DCHS2: variants seen among roughly 807,000 people sequenced by gnomAD.
The protein encoded by DCHS2 is dachsous cadherin-related 2, also known as protocadherin-23.
DCHS2 carries 142 observed loss-of-function variants against 182.4 expected under a neutral mutation model. The observed-to-expected ratio is 0.78, with a 90% CI of 0.68 to 0.89. The LOEUF is 0.89. Ranked by LOEUF, DCHS2 falls within the 40% of genes least tolerant of loss-of-function variation. The pLI is 0.00. For synonymous variants in DCHS2, 1,740 were observed against 1,663.3 expected (o/e 1.05, Z -1.12); for missense variants, 4,319 against 4,198.6 (o/e 1.03, Z -0.79).
At chr4:154,238,909 G>A (rs1731663203) in intron 19 of DCHS2, among the ~76,000 whole-genome samples, 1 of 152,006 alleles carries the variant, frequency 6.6e-6, no homozygotes, top group Non-Finnish European at 1.5e-5. Flanking sequence ...TATTATACTG[G>A]GGTCTCTGAA....
chr4:154,390,272 C>A (rs1270810482), intron 1 of DCHS2, among the ~76,000 whole-genome samples: 3 of 114,550 alleles, frequency 2.6e-5, no homozygotes, highest in East Asian at 6.0e-4. Flanking sequence ...CCCCTCCCCC[C>A]ACCCCACAAC....
intron 16 of DCHS2, among the ~76,000 whole-genome samples, chr4:154,252,670 T>C (rs1732436808): frequency 1.3e-5 from 2 of 151,444 alleles, no homozygotes; most frequent in African/African-American, 4.8e-5. Context: ...TTTTTTCTTT[T>C]AATGGCTAAA....
intron 16 of DCHS2, among the ~76,000 whole-genome samples, chr4:154,248,142 T>C (rs1179771374): frequency 2.0e-5 from 3 of 152,280 alleles, no homozygotes; most frequent in Middle Eastern, 3.4e-3. Context: ...ATATAGCCAA[T>C]TGGGCACTCA....
intron 1 of DCHS2, among the ~76,000 whole-genome samples, chr4:154,382,498 T>G (rs1731214424): frequency 6.6e-6 from 1 of 152,082 alleles, no homozygotes; most frequent in African/African-American, 2.4e-5. Flanking sequence ...ACAAGTGGAA[T>G]CGAATTAAAC....
At chr4:154,373,828 T>C in intron 2 of DCHS2, 1 of 1,016,676 alleles carries the variant, frequency 9.8e-7, no homozygotes, top group Non-Finnish European at 1.5e-6. Context: ...GTGCAAGCAC[T>C]CAGGGGAGAA....
At chr4:154,396,948 T>C (rs1731952766) in intron 1 of DCHS2, among the ~76,000 whole-genome samples, 1 of 152,150 alleles carries the variant, frequency 6.6e-6, no homozygotes, top group South Asian at 2.1e-4. Context: ...TAAACCTTCC[T>C]GATATAACTT....
chr4:154,313,825 A>G (rs1238354717), intron 10 of DCHS2, among the ~76,000 whole-genome samples: 2 of 152,222 alleles, frequency 1.3e-5, no homozygotes, highest in Non-Finnish European at 2.9e-5. Context: ...GTGTATTTCA[A>G]TCATCCATTA....
chr4:154,365,728 C>G (rs1434698615), intron 3 of DCHS2, among the ~76,000 whole-genome samples: 1 of 151,966 alleles, frequency 6.6e-6, no homozygotes, highest in African/African-American at 2.4e-5. Flanking sequence ...CAGCTCACTG[C>G]AACCTCGGTT....
chr4:154,245,521 C>T lies in DCHS2; in HGVS notation c.6942-2749G>A, dbSNP rs145665549. Among the ~76,000 whole-genome samples the T allele has an allele frequency of 1.5e-3, 226 of 151,866 alleles. 2 individuals carry two copies. The highest frequency in any genetic ancestry group is 4.9e-3 in the African/African-American group (204 of 41,402). The stretch of plus-strand genomic sequence containing the variant: ...TCAAAACTCTCAATTATATCTTAAA[C>T]GTCTAGCAGGAATTTTCTAATCCTT... On this transcript the variant is annotated intron_variant, in intron 16 of 19. Transcript: ENST00000357232.
At chr4:154,245,412 T>C (rs1280916324) in intron 16 of DCHS2, among the ~76,000 whole-genome samples, 2 of 152,198 alleles carry the variant, frequency 1.3e-5, no homozygotes, top group African/African-American at 2.4e-5. Context: ...TCTTTTACCA[T>C]GTTAAACTTT....
At chr4:154,376,464 T>C (rs890089009) in intron 2 of DCHS2, among the ~76,000 whole-genome samples, 9 of 148,560 alleles carry the variant, frequency 6.1e-5, no homozygotes, top group African/African-American at 2.2e-4. Flanking sequence ...TAAAAAAAAC[T>C]GGTAAAATAA....
intron 16 of DCHS2, among the ~76,000 whole-genome samples, chr4:154,245,055 A>G (rs1461746677): frequency 6.6e-6 from 1 of 152,156 alleles, no homozygotes; most frequent in African/African-American, 2.4e-5. Flanking sequence ...ATTAAAAAGA[A>G]GTGAGATTCT....
chr4:154,284,928 C>A (rs2111244665), intron 13 of DCHS2, among the ~76,000 whole-genome samples: 1 of 152,252 alleles, frequency 6.6e-6, no homozygotes, highest in Non-Finnish European at 1.5e-5. Context: ...CACCCCTCCC[C>A]TAACCCCAGG....
At chr4:154,402,180 C>T (rs1732214067) in intron 1 of DCHS2, among the ~76,000 whole-genome samples, 1 of 152,124 alleles carries the variant, frequency 6.6e-6, no homozygotes, top group Non-Finnish European at 1.5e-5. Context: ...CCCTGGTACC[C>T]TTGTCAAAAC....
chr4:154,361,260 C>T (rs1443215992), intron 3 of DCHS2, among the ~76,000 whole-genome samples: 1 of 152,034 alleles, frequency 6.6e-6, no homozygotes, highest in African/African-American at 2.4e-5. Context: ...TTCCTCAAAC[C>T]TCAAACCTTG....
chr4:154,417,204 T>TGTGTGTGTGTGAGA (rs1560745908), intron 1 of DCHS2, among the ~76,000 whole-genome samples: 4 of 39,476 alleles, frequency 1.0e-4, no homozygotes, highest in African/African-American at 3.8e-4. Context: ...TGTGTGTGTG[T>TGTGTGTGTGTGAGA]GAGAGAGAGA....
chr4:154,467,374 C>T (rs914089209), intron 1 of DCHS2, among the ~76,000 whole-genome samples: 1 of 152,048 alleles, frequency 6.6e-6, no homozygotes, highest in African/African-American at 2.4e-5. Flanking sequence ...GTTATATTTC[C>T]TATTAGCAAA....
intron 3 of DCHS2, among the ~76,000 whole-genome samples, chr4:154,345,929 C>A (rs149961800): frequency 2.9e-4 from 44 of 152,304 alleles, no homozygotes; most frequent in African/African-American, 1.0e-3. Context: ...GTCGCTCACA[C>A]TTCTGGAGGC....
chr4:154,467,423 T>G (rs1185858578), intron 1 of DCHS2, among the ~76,000 whole-genome samples: 2 of 152,162 alleles, frequency 1.3e-5, no homozygotes, highest in African/African-American at 4.8e-5. Flanking sequence ...TTACACTATA[T>G]TTTAAGTGGC....
Sources: gnomAD v4.1 joint callset for allele counts (sites outside exome capture counted in the v4.1 genomes callset) on GRCh38, gnomAD v4.1.1 for gene constraint, MANE v1.5 for transcripts, NCBI Gene and HGNC (gene_info 2026-07-23, HGNC 2026-07-21) for gene names.